Variants in HTT observed in about 807,000 individuals in gnomAD.
HTT encodes the protein huntingtin.
A neutral mutation model predicts 362.3 loss-of-function variants in HTT; 104 were observed. The ratio of observed to expected loss-of-function variants is 0.29; its 90% CI spans 0.24 to 0.34. The LOEUF (loss-of-function observed/expected upper bound fraction) is 0.34, where lower values mean the gene tolerates loss of function less well. Ranked by LOEUF, HTT falls within the 10% of genes least tolerant of loss-of-function variation. The pLI is 1.00. For missense variants in HTT, 3,301 were observed against 3,928.6 expected (o/e 0.84, Z 4.27); for synonymous variants, 1,577 against 1,548.7 (o/e 1.02, Z -0.43).
chr4:3,241,886 G>A lies in HTT; in HGVS notation c.*1827G>A, dbSNP rs1578624280. On this transcript the variant is annotated 3_prime_UTR_variant, in exon 67 of 67. Transcript: ENST00000355072. ...GGGGCAGCAGGAGCGGTAGAAAGGG[G>A]TCCGATGTTTGAGGAGGCCCTTAAG... 1 of 152,232 alleles carries A rather than the reference G, an allele frequency of 6.6e-6. No homozygotes were observed. Among genetic ancestry groups the A allele is most frequent in the Non-Finnish European group, 1.5e-5 (1 of 68,048 alleles). The allele number at this position is 152,232 out of a possible 1,614,324, so 9.4% of individuals were successfully genotyped here.
intron 59 of HTT, among the ~76,000 whole-genome samples, chr4:3,229,641 G>A (rs1721142863): frequency 6.7e-6 from 1 of 149,214 alleles, no homozygotes; most frequent in Non-Finnish European, 1.5e-5. Context: ...CACACCACAT[G>A]CGCACACACA....
At chr4:3,172,275 C>A in intron 29 of HTT, 45 bp from the exon 30 acceptor site, 1 of 1,030,482 alleles carries the variant, frequency 9.7e-7, no homozygotes, top group Non-Finnish European at 1.5e-6. Flanking sequence ...CGTACAATAA[C>A]GGGTCATCTC....
At chr4:3,236,916 T>G (rs1187572471) in intron 64 of HTT, among the ~76,000 whole-genome samples, 1 of 152,182 alleles carries the variant, frequency 6.6e-6, no homozygotes, top group Non-Finnish European at 1.5e-5. Context: ...TGGAGCCTTG[T>G]TGCACTGCCT....
At chr4:3,079,659 AAAG>A (rs1367556702) in intron 1 of HTT, among the ~76,000 whole-genome samples, 13 of 152,232 alleles carry the variant, frequency 8.5e-5, no homozygotes, top group Non-Finnish European at 2.9e-5. Context: ...TAGATGGAAT[AAAG>A]ATATTGGCAT....
intron 64 of HTT, among the ~76,000 whole-genome samples, chr4:3,237,706 G>C (rs1340478957): frequency 6.6e-6 from 1 of 152,188 alleles, no homozygotes; most frequent in African/African-American, 2.4e-5. Context: ...CTGTGAGGAA[G>C]TGCACTGCCA....
At chr4:3,184,588 A>G (rs1718675097) in intron 37 of HTT, among the ~76,000 whole-genome samples, 2 of 151,992 alleles carry the variant, frequency 1.3e-5, no homozygotes, top group South Asian at 4.2e-4. Context: ...TGTGAGAGAG[A>G]GCAGGGCTTT....
chr4:3,095,086 G>A (rs1279835727), intron 2 of HTT, among the ~76,000 whole-genome samples: 2 of 152,158 alleles, frequency 1.3e-5, no homozygotes, highest in African/African-American at 4.8e-5. Flanking sequence ...CAGACGATGG[G>A]CGGCCAGGCA....
intron 18 of HTT, 46 bp from the exon 19 acceptor site, chr4:3,134,355 A>T (rs775982730): frequency 6.3e-7 from 1 of 1,581,404 alleles, no homozygotes; most frequent in East Asian, 2.2e-5. Flanking sequence ...GCGGGTACTG[A>T]GTGGGACTAA....
intron 6 of HTT, among the ~76,000 whole-genome samples, chr4:3,112,769 T>C (rs2110169019): frequency 6.6e-6 from 1 of 152,186 alleles, no homozygotes; most frequent in Non-Finnish European, 1.5e-5. Context: ...CAGCTAGAGG[T>C]GGAGTTGTTG....
intron 2 of HTT, among the ~76,000 whole-genome samples, chr4:3,097,289 A>G (rs1332538226): frequency 6.6e-6 from 1 of 152,164 alleles, no homozygotes; most frequent in Non-Finnish European, 1.5e-5. Flanking sequence ...CAAATTAGCA[A>G]TATCAGGAAT....
At position 3,228,525 on chromosome 4, in the gene HTT, G is replaced by A; in HGVS notation, c.7849-90G>A. On this transcript the variant is annotated intron_variant, in intron 57 of 66. Transcript: ENST00000355072. This position sits in a 1 kb window ranked among gnomAD's most constrained non-coding sequence, Gnocchi z 4.3. Reference sequence around the variant, plus strand: ...CTAAGGGGCAGACTGTTAGACGGTAGGCATGTGCTGAGTCCCAGTGGCCAC... The same window carrying A: ...CTAAGGGGCAGACTGTTAGACGGTAAGCATGTGCTGAGTCCCAGTGGCCAC... 1 of 1,410,268 alleles carries A rather than the reference G, an allele frequency of 7.1e-7. No individual in the cohort carries two copies. Among genetic ancestry groups the A allele is most frequent in the East Asian group, 2.3e-5 (1 of 42,766 alleles). 87.4% of individuals were successfully genotyped at this position (1,410,268 alleles called of 1,614,324 possible). A position where few individuals can be genotyped will look rare whatever the true frequency, so the allele number is the denominator to read the frequency against.
Position 3,235,669 on chromosome 4 carries a change from C to T in HTT, c.8676C>T (p.Ser2892=), listed in dbSNP as rs1460337996. Residue 2892 remains serine, a synonymous_variant, in exon 63 of 67, where the codon TCC becomes TCT. Transcript: ENST00000355072. The part of the protein sequence containing the change: ...LERLLLSEQL[S]RLDAESLVKL... ...GCCTCCTGCTCTCTGAGCAGCTCTCCCGCCTGGATGCAGAATCGCTGGTCA... is the reference window on the plus strand; with the variant it reads ...GCCTCCTGCTCTCTGAGCAGCTCTCTCGCCTGGATGCAGAATCGCTGGTCA... 16 of 1,613,752 alleles carry T rather than the reference C, an allele frequency of 9.9e-6. No individual in the cohort carries two copies. The highest frequency in any genetic ancestry group is 5.0e-5 in the Admixed American group (3 of 60,020).
At chr4:3,207,378 C>A in intron 45 of HTT, 21 bp downstream of exon 45, 1 of 1,580,232 alleles carries the variant, frequency 6.3e-7, no homozygotes, top group South Asian at 1.1e-5. Context: ...AAACACAGGT[C>A]GTCCTTGTGT....
chr4:3,148,114 G>C lies in HTT; in HGVS notation c.3405G>C (p.Val1135=). 1 of 1,614,088 alleles carries C rather than the reference G, an allele frequency of 6.2e-7. No individual in the cohort carries two copies. The highest frequency in any genetic ancestry group is 8.5e-7 in the Non-Finnish European group (1 of 1,179,972). ...VWPALGDRAL[V]PMVEQLFSHL... ...CAGCCCTGGGGGACCGGGCCCTGGT[G>C]CCCATGGTGGAGCAGCTCTTCTCTC... The change falls in exon 26 of 67, where the codon GTG becomes GTC. Residue 1135 remains valine (V), a synonymous_variant. Transcript: ENST00000355072.
At chr4:3,116,044 A>G (rs1231318083) in intron 7 of HTT, 41 bp from the exon 8 acceptor site, 1 of 1,553,208 alleles carries the variant, frequency 6.4e-7, no homozygotes, top group Admixed American at 1.7e-5. Flanking sequence ...ATCTCCAAAC[A>G]GTGAGTCAGA....
Position 3,131,320 on chromosome 4 carries a change from CTGA to C in HTT, c.2028_2030del (p.Asp677del). The C allele has an allele frequency of 6.2e-7, 1 of 1,614,082 alleles. No homozygotes were observed. On this transcript the variant is annotated inframe_deletion, in exon 15 of 67. Transcript: ENST00000355072. ...ATCAAAGGTGACATTGGACAGTCCA[CTGA>C]TGATGACTCTGCACCTCTTGTCCAT...
At chr4:3,162,915 A>C (rs1717517100) in intron 29 of HTT, among the ~76,000 whole-genome samples, 1 of 152,120 alleles carries the variant, frequency 6.6e-6, no homozygotes, top group East Asian at 1.9e-4. Context: ...AATACCCTTT[A>C]TTGCTTTCTC....
chr4:3,080,992 T>C (rs1656004490), intron 1 of HTT, among the ~76,000 whole-genome samples: 1 of 152,220 alleles, frequency 6.6e-6, no homozygotes, highest in South Asian at 2.1e-4. Context: ...ATTACTGAAG[T>C]TTGTGTCACA....
At position 3,102,187 on chromosome 4, in the gene HTT, G is replaced by A. The variant is rs77186013; in HGVS notation, c.469-1637G>A. On this transcript the variant is annotated intron_variant, in intron 3 of 66. Transcript: ENST00000355072. ...AGACCCAGCAGGAGTGCAGGGCCTCGAGCCAGGATGGTGGCAGGGCTGTGA... is the reference window on the plus strand; with the variant it reads ...AGACCCAGCAGGAGTGCAGGGCCTCAAGCCAGGATGGTGGCAGGGCTGTGA... Among the ~76,000 whole-genome samples the A allele has an allele frequency of 7.0e-3, 1,070 of 152,292 alleles. 15 individuals carry two copies. Among genetic ancestry groups the A allele is most frequent in the African/African-American group, 0.024 (987 of 41,558 alleles).
Sources: allele counts gnomAD v4.1 joint callset (sites outside exome capture counted in the v4.1 genomes callset), GRCh38; gene constraint gnomAD v4.1.1; non-coding constraint Gnocchi (gnomAD v3.1); transcripts MANE v1.5; gene names NCBI Gene and HGNC (gene_info 2026-07-23, HGNC 2026-07-21).